Variants in DGKG observed in about 807,000 individuals in gnomAD.
The protein encoded by DGKG is DAG kinase gamma.
DGKG carries 78 observed loss-of-function variants against 105.3 expected under a neutral mutation model. That is an observed-to-expected ratio of 0.74 (90% CI 0.62 to 0.89). DGKG has a LOEUF of 0.89. Ranked by LOEUF, DGKG falls within the 40% of genes least tolerant of loss-of-function variation. The probability of loss-of-function intolerance (pLI) is 0.00; values close to 1 mark genes in which losing one functional copy is unlikely to be tolerated. For synonymous variants in DGKG, 346 were observed against 367.1 expected, an observed-to-expected ratio of 0.94 and a Z score of 0.66; for missense variants, 958 against 1,020.1, an observed-to-expected ratio of 0.94 and a Z score of 0.83.
intron 22 of DGKG, among the ~76,000 whole-genome samples, chr3:186,181,015 C>T (rs1560083428): frequency 6.6e-6 from 1 of 152,280 alleles, no homozygotes; most frequent in East Asian, 1.9e-4. Flanking sequence ...CTTGTGCCTG[C>T]TCTGCTCAGT....
At chr3:186,254,207 G>A (rs1463263801) in intron 17 of DGKG, among the ~76,000 whole-genome samples, 4 of 152,166 alleles carry the variant, frequency 2.6e-5, no homozygotes, top group Non-Finnish European at 5.9e-5. Context: ...CTGGATGTGA[G>A]CAATGTGATT....
chr3:186,351,588 C>T lies in DGKG; in HGVS notation c.-249+10358G>A, dbSNP rs78904445. Among the ~76,000 whole-genome samples, 453 of 152,228 alleles carry T rather than the reference C, an allele frequency of 3.0e-3. 2 individuals carry two copies. The highest frequency in any genetic ancestry group is 0.01 in the African/African-American group (433 of 41,524). On this transcript the variant is annotated intron_variant, in intron 1 of 24. Coordinates refer to ENST00000265022, the MANE Select transcript of DGKG (RefSeq NM_001346.3). ...GCAGTTAAAAGAGAAGGGAATGATC[C>T]CTTGGAACTAACCAAGGTTCACCAA...
intron 3 of DGKG, among the ~76,000 whole-genome samples, chr3:186,304,724 T>G (rs1724142990): frequency 6.6e-6 from 1 of 152,236 alleles, no homozygotes; most frequent in African/African-American, 2.4e-5. Context: ...CTCATTTAAT[T>G]CACTCATCCA....
At chr3:186,169,726 AT>A (rs1310075080) in intron 22 of DGKG, among the ~76,000 whole-genome samples, 3 of 152,222 alleles carry the variant, frequency 2.0e-5, no homozygotes, top group Admixed American at 1.3e-4. Context: ...CAAGTTCAAA[AT>A]GAACTTCAAA....
chr3:186,265,015 C>T (rs961428711), intron 14 of DGKG, among the ~76,000 whole-genome samples: 10 of 152,118 alleles, frequency 6.6e-5, no homozygotes, highest in African/African-American at 2.4e-4. Flanking sequence ...GTAATAAAGC[C>T]CAATAAGACC....
chr3:186,331,097 T>A (rs1725581440), intron 1 of DGKG, among the ~76,000 whole-genome samples: 1 of 152,252 alleles, frequency 6.6e-6, no homozygotes. Context: ...TATCACTGCC[T>A]GCTGTAGGGT....
intron 20 of DGKG, among the ~76,000 whole-genome samples, chr3:186,217,069 C>G (rs78205564): frequency 2.8e-4 from 42 of 152,330 alleles, no homozygotes; most frequent in Non-Finnish European, 5.1e-4. Flanking sequence ...TGCTCAGTAG[C>G]TGTTCTTCCT....
At chr3:186,330,499 G>A (rs2108650453) in intron 1 of DGKG, among the ~76,000 whole-genome samples, 1 of 152,306 alleles carries the variant, frequency 6.6e-6, no homozygotes, top group East Asian at 1.9e-4. Context: ...CTGTGCCTGT[G>A]TCAAGCATAA....
intron 22 of DGKG, among the ~76,000 whole-genome samples, chr3:186,173,553 G>A (rs1716930128): frequency 6.6e-6 from 1 of 152,238 alleles, no homozygotes; most frequent in Non-Finnish European, 1.5e-5. Flanking sequence ...CATGTCCTCG[G>A]GCTCCTCTCC....
chr3:186,297,980 G>C lies in DGKG; in HGVS notation c.310+84C>G. On this transcript the variant is annotated intron_variant, in intron 4 of 24. Coordinates refer to ENST00000265022, the MANE Select transcript of DGKG (RefSeq NM_001346.3). ...GTTGGGGCAGTTACTATGTTCAGGG[G>C]ACCCTCTAGGAATGCAGTCTGTGGC... 5 of 1,468,008 alleles carry C rather than the reference G, an allele frequency of 3.4e-6. No homozygotes were observed. In the African/African-American group the frequency reaches 7.0e-5, roughly 21 times the overall value. 90.9% of individuals were successfully genotyped at this position (1,468,008 alleles called of 1,614,324 possible).
intron 1 of DGKG, among the ~76,000 whole-genome samples, chr3:186,354,664 A>C (rs999376282): frequency 6.6e-6 from 1 of 152,214 alleles, no homozygotes; most frequent in Non-Finnish European, 1.5e-5. Flanking sequence ...CTTACACATC[A>C]TGATTCCAGG....
At chr3:186,217,686 G>A (rs1719363111) in intron 20 of DGKG, among the ~76,000 whole-genome samples, 1 of 152,144 alleles carries the variant, frequency 6.6e-6, no homozygotes, top group Admixed American at 6.5e-5. Context: ...TGTTTTCAAG[G>A]ATGTCCACAG....
chr3:186,205,896 A>T (rs1016811107), intron 21 of DGKG, among the ~76,000 whole-genome samples: 2 of 152,164 alleles, frequency 1.3e-5, no homozygotes, highest in Non-Finnish European at 2.9e-5. Flanking sequence ...ATACTAAAAA[A>T]AAAATTAAAA....
intron 21 of DGKG, chr3:186,207,303 T>C (rs990598016): frequency 3.0e-5 from 6 of 199,328 alleles, no homozygotes; most frequent in Non-Finnish European, 9.0e-6. Context: ...TGAGAGTCTC[T>C]GCTCTAGACT....
Position 186,164,959 on chromosome 3 carries a change from T to G in DGKG, c.2155A>C (p.Ile719Leu), listed in dbSNP as rs1378080029. ...GLEGAMEMGQ[I>L]YTGLKSAGRR... is the part of the protein sequence containing the mutation. The stretch of plus-strand genomic sequence containing the variant: ...CCTGCACTCTTCAGGCCGGTGTAGA[T>G]CTGCCCCATCTCCATGGCTCCTTCT... Residue 719 changes from isoleucine to leucine, a missense_variant, in exon 23 of 25, where the codon ATC becomes CTC. Physicochemically the swap from Ile to Leu is conservative, Grantham distance 5 (BLOSUM62 2). Transcript: ENST00000265022. 6.2e-7 allele frequency: 1 copy of G among 1,613,932 alleles called. No individual in the cohort carries two copies. The highest frequency in any genetic ancestry group is 8.5e-7 in the Non-Finnish European group (1 of 1,179,968).
intron 20 of DGKG, among the ~76,000 whole-genome samples, chr3:186,221,395 T>C (rs929261426): frequency 6.6e-6 from 1 of 152,204 alleles, no homozygotes; most frequent in African/African-American, 2.4e-5. Flanking sequence ...TTCTTAGCAA[T>C]CCTTTCTCCC....
At position 186,299,765 on chromosome 3, in the gene DGKG, TTC is replaced by T. The variant is rs376118983; in HGVS notation, c.145-1538_145-1537del. Among the ~76,000 whole-genome samples the T allele has an allele frequency of 2.5e-3, 330 of 133,720 alleles. 4 individuals carry two copies. The highest frequency in any genetic ancestry group is 9.3e-3 in the African/African-American group (300 of 32,388). 87.7% of individuals were successfully genotyped at this position (133,720 alleles called of 152,430 possible). ...TCCTCTCTTTTCTTTTTTTCTTCTT[TTC>T]TCTTTCTTTCTTTCTTTCTTTCTTT... On this transcript the variant is annotated intron_variant, in intron 3 of 24. Transcript: ENST00000265022.
intron 17 of DGKG, among the ~76,000 whole-genome samples, chr3:186,255,197 C>G (rs1436122314): frequency 6.6e-6 from 1 of 152,238 alleles, no homozygotes; most frequent in African/African-American, 2.4e-5. Context: ...CTCACAGCAT[C>G]TTCATACATA....
intron 20 of DGKG, among the ~76,000 whole-genome samples, chr3:186,237,549 G>A (rs910303772): frequency 1.3e-5 from 2 of 152,180 alleles, no homozygotes; most frequent in African/African-American, 4.8e-5. Flanking sequence ...GCCAATGACA[G>A]CTCCATCCTC....
Sources: allele counts gnomAD v4.1 joint callset (sites outside exome capture counted in the v4.1 genomes callset), GRCh38; gene constraint gnomAD v4.1.1; transcripts MANE v1.5; gene names NCBI Gene and HGNC (gene_info 2026-07-23, HGNC 2026-07-21).